FADS2: variants seen among roughly 807,000 people sequenced by gnomAD.
FADS2 encodes the protein fatty acid desaturase 2, also known as acyl-CoA 6-desaturase.
FADS2 carries 18 observed loss-of-function variants against 61.2 expected under a neutral mutation model. The ratio of observed to expected loss-of-function variants is 0.29; its 90% CI spans 0.20 to 0.44. FADS2 has a LOEUF of 0.44. Among genes scored for constraint, FADS2 ranks in the 20% least tolerant of loss-of-function variants. The pLI, the probability that FADS2 is intolerant of heterozygous loss-of-function variation, is 1.00. For missense variants in FADS2, 322 were observed against 572.7 expected (o/e 0.56, Z 4.47); for synonymous variants, 203 against 223.9 (o/e 0.91, Z 0.83).
chr11:61,828,043 GC>G, upstream of FADS2: 1 of 1,171,796 alleles, frequency 8.5e-7, no homozygotes, highest in African/African-American at 1.6e-5. This position sits in a 1 kb window ranked among gnomAD's most constrained non-coding sequence, Gnocchi z 6.4. Context: ...GGAACCCGAG[GC>G]GGGGGGAGCC....
chr11:61,862,648 T>C, intron 7 of FADS2: 1 of 338,662 alleles, frequency 3.0e-6, no homozygotes, highest in Non-Finnish European at 5.5e-6. Flanking sequence ...GGGGCGCACC[T>C]TCAGAATCGC....
chr11:61,841,808 C>T (rs1184556453), intron 4 of FADS2, among the ~76,000 whole-genome samples: 1 of 152,122 alleles, frequency 6.6e-6, no homozygotes, highest in East Asian at 1.9e-4. Context: ...AGATAGGGGA[C>T]ACCAAACTAC....
intron 2 of FADS2, among the ~76,000 whole-genome samples, chr11:61,839,139 C>T (rs1046290159): frequency 2.6e-5 from 4 of 151,898 alleles, no homozygotes; most frequent in African/African-American, 7.3e-5. Flanking sequence ...TCCTTGACTC[C>T]GCTTTGCCTC....
intron 5 of FADS2, among the ~76,000 whole-genome samples, chr11:61,850,408 G>A (rs1428399788): frequency 6.6e-6 from 1 of 151,990 alleles, no homozygotes; most frequent in Non-Finnish European, 1.5e-5. Context: ...ACACCACCAC[G>A]CCTGGCTAAT....
At chr11:61,823,509 C>T (rs946869088), upstream of FADS2, among the ~76,000 whole-genome samples, 1 of 152,038 alleles carries the variant, frequency 6.6e-6, no homozygotes, top group Non-Finnish European at 1.5e-5. Context: ...GATAATAACC[C>T]AGCTTATTTT....
At chr11:61,836,368 G>A (rs988231334) in intron 1 of FADS2, among the ~76,000 whole-genome samples, 1 of 151,972 alleles carries the variant, frequency 6.6e-6, no homozygotes, top group African/African-American at 2.4e-5. Context: ...AAAGTGCTGG[G>A]ATTACAGGCA....
chr11:61,839,059 G>A (rs575918246), intron 2 of FADS2, among the ~76,000 whole-genome samples: 176 of 151,976 alleles, frequency 1.2e-3, no homozygotes, highest in African/African-American at 4.0e-3. Flanking sequence ...TCTCCTCCCC[G>A]TCCGGCCCTG....
intron 1 of FADS2, among the ~76,000 whole-genome samples, chr11:61,835,652 G>A (rs979881356): frequency 8.6e-5 from 13 of 150,542 alleles, no homozygotes; most frequent in African/African-American, 1.5e-4. Context: ...GCAATCCGCC[G>A]CCTCGGCCTC....
chr11:61,817,019 G>T, intron 1 of FADS2: 1 of 1,316,484 alleles, frequency 7.6e-7, no homozygotes, highest in Non-Finnish European at 9.7e-7. Context: ...GCGCCCCCTC[G>T]CGGGCTCCCT....
In FADS2 at chr11:61,865,109, C is replaced by A; in HGVS notation, c.1158-43C>A. On this transcript the variant is annotated intron_variant, in intron 10 of 11. Transcript: ENST00000278840. The surrounding 1 kb of genome is among the most constrained non-coding windows in gnomAD (Gnocchi z 4.1). ...GTGGGAGGAAGCGGGAGCAGCATGG[C>A]CCTCTGAGTCCTCACGCTCTGCCCA... The A allele has an allele frequency of 6.3e-7, 1 of 1,588,680 alleles. No homozygotes were observed. Among genetic ancestry groups the A allele is most frequent in the Non-Finnish European group, 8.6e-7 (1 of 1,164,038 alleles).
At chr11:61,840,004 C>T (rs895871086) in intron 2 of FADS2, among the ~76,000 whole-genome samples, 16 of 152,198 alleles carry the variant, frequency 1.1e-4, no homozygotes, top group Admixed American at 9.2e-4. Flanking sequence ...ATCCATTCAT[C>T]CATCACGAGA....
chr11:61,828,351 G>C lies in FADS2; in HGVS notation c.-40G>C. 1 of 1,544,892 alleles carries C rather than the reference G, an allele frequency of 6.5e-7. No homozygotes were observed. The highest frequency in any genetic ancestry group is 8.7e-7 in the Non-Finnish European group (1 of 1,144,796). On this transcript the variant is annotated 5_prime_UTR_variant, in exon 1 of 12. Transcript: ENST00000278840. The surrounding 1 kb of genome is among the most constrained non-coding windows in gnomAD (Gnocchi z 6.4). ...TCTGTGCAGCGAGCAGCCGGCGCGG[G>C]GAGGCCGCAGTGCACGGGGCGTCAC...
chr11:61,831,355 C>T (rs1160914952), intron 1 of FADS2, among the ~76,000 whole-genome samples: 1 of 152,084 alleles, frequency 6.6e-6, no homozygotes, highest in Admixed American at 6.5e-5. Flanking sequence ...GGATTCCCTG[C>T]AACATTCCCA....
chr11:61,822,527 C>T (rs1358451923), intron 1 of FADS2, among the ~76,000 whole-genome samples: 1 of 152,192 alleles, frequency 6.6e-6, no homozygotes, highest in African/African-American at 2.4e-5. Flanking sequence ...CCTTGCTTCT[C>T]TGCGGTGCCT....
chr11:61,856,179 G>C (rs949971377), intron 5 of FADS2: 4 of 152,270 alleles, frequency 2.6e-5, no homozygotes. Context: ...CCTAGGGGCT[G>C]GACCATGGAA....
Position 61,816,814 on chromosome 11 carries a change from G to T in FADS2, c.141+388G>T, listed in dbSNP as rs555414942. On this transcript the variant is annotated intron_variant, in intron 1 of 11. Coordinates refer to the FADS2 transcript ENST00000257261. This position sits in a 1 kb window ranked among gnomAD's most constrained non-coding sequence, Gnocchi z 7.0. The stretch of plus-strand genomic sequence containing the variant: ...AGCAGGGGCTGTCAGGCGCGTGCTC[G>T]GGGTCCGCGGGCTCCAGGAGTGGAT... 4.7e-6 allele frequency: 7 copies of T among 1,493,058 alleles called. No individual in the cohort carries two copies. The highest frequency in any genetic ancestry group is 6.2e-6 in the Non-Finnish European group (7 of 1,131,924). The allele number at this position is 1,493,058 out of a possible 1,614,324, so 92.5% of individuals were successfully genotyped here.
upstream of FADS2, among the ~76,000 whole-genome samples, chr11:61,827,100 G>A (rs1376292603): frequency 3.3e-5 from 5 of 152,062 alleles, no homozygotes; most frequent in East Asian, 9.6e-4. This position sits in a 1 kb window ranked among gnomAD's most constrained non-coding sequence, Gnocchi z 4.5. Flanking sequence ...CACGTGTCCC[G>A]TTAGCCCTCC....
At chr11:61,821,221 T>C (rs147502449) in intron 1 of FADS2, among the ~76,000 whole-genome samples, 107 of 152,264 alleles carry the variant, frequency 7.0e-4, no homozygotes, top group African/African-American at 2.5e-3. Flanking sequence ...CGAAATGAGC[T>C]TAAGACCCTA....
intron 5 of FADS2, 196 bp from the exon 6 acceptor site, chr11:61,856,815 T>C (rs1391724148): frequency 1.7e-6 from 1 of 597,958 alleles, no homozygotes; most frequent in Non-Finnish European, 3.0e-6. Context: ...CGTTGGCCGC[T>C]GCTGGCTGTA....
Sources: allele counts gnomAD v4.1 joint callset (sites outside exome capture counted in the v4.1 genomes callset), GRCh38; gene constraint gnomAD v4.1.1; non-coding constraint Gnocchi (gnomAD v3.1); transcripts MANE v1.5; gene names NCBI Gene and HGNC (gene_info 2026-07-23, HGNC 2026-07-21).